Variants in GIT1 observed in about 807,000 individuals in gnomAD.
GIT1 encodes the protein GIT ArfGAP 1.
In GIT1, 14 loss-of-function variants were observed where a neutral mutation model predicts 91.7. The ratio of observed to expected loss-of-function variants is 0.15; its 90% CI spans 0.10 to 0.24. The LOEUF (loss-of-function observed/expected upper bound fraction) is 0.24, where lower values mean the gene tolerates loss of function less well. GIT1 is among the 10% of genes least tolerant of loss of function. The pLI, the probability that GIT1 is intolerant of heterozygous loss-of-function variation, is 1.00. For missense variants in GIT1, 717 were observed against 1,024.9 expected, an observed-to-expected ratio of 0.70 and a Z score of 4.10; for synonymous variants, 414 against 418.2, an observed-to-expected ratio of 0.99 and a Z score of 0.12.
Position 29,575,850 on chromosome 17 carries a change from G to A in GIT1, c.1714C>T (p.Pro572Ser). 1 of 1,612,464 alleles carries A rather than the reference G, an allele frequency of 6.2e-7. No homozygotes were observed. Among genetic ancestry groups the A allele is most frequent in the Non-Finnish European group, 8.5e-7 (1 of 1,179,314 alleles). ...ASAVPFTPSS[P>S]LLSCSQEGSR... ...CCCTCCTGGGAGCAGGACAGCAGCG[G>A]GGAGGAGGGAGTGAAGGGCACAGCT... The change falls in exon 16 of 20, where the codon CCG (proline) becomes TCG (serine). Residue 572 changes from proline to serine, a missense_variant. Around this residue, in one of 3 missense-constraint regions of GIT1, gnomAD observed 312 missense variants for 349.5 expected, o/e 0.89. Transcript: ENST00000225394. This position sits in a 1 kb window ranked among gnomAD's most constrained non-coding sequence, Gnocchi z 5.5.
Position 29,574,980 on chromosome 17 carries a change from T to A in GIT1, c.2074-66A>T, listed in dbSNP as rs751987502. 40 of 1,490,480 alleles carry A rather than the reference T, an allele frequency of 2.7e-5. No homozygotes were observed. The South Asian group carries it at 4.8e-4, about 18-fold the overall frequency. 92.3% of individuals were successfully genotyped at this position (1,490,480 alleles called of 1,614,324 possible). Reference sequence around the variant, plus strand: ...CCACCAGCTGAGATCAGGGCCCAGTTTGTCTGTGTCTCCACCCAGGTAGCG... The same window carrying A: ...CCACCAGCTGAGATCAGGGCCCAGTATGTCTGTGTCTCCACCCAGGTAGCG... On this transcript the variant is annotated intron_variant, in intron 19 of 19. Coordinates refer to ENST00000225394, the MANE Select transcript of GIT1 (RefSeq NM_014030.4).
intron 7 of GIT1, among the ~76,000 whole-genome samples, chr17:29,579,916 G>A (rs1264780885): frequency 1.3e-5 from 2 of 152,108 alleles, no homozygotes; most frequent in Non-Finnish European, 1.5e-5. Context: ...CTCCGCTCTC[G>A]GGATGGTCAC....
At position 29,581,447 on chromosome 17, in the gene GIT1, CT is replaced by C; in HGVS notation, c.719-68del. The stretch of plus-strand genomic sequence containing the variant: ...GTGGCCTCAGCAGCTGGGAGCCCAC[CT>C]CACTGCCATGAGCAGGGCTGGCACC... On this transcript the variant is annotated intron_variant, in intron 6 of 19. Coordinates refer to ENST00000225394, the MANE Select transcript of GIT1 (RefSeq NM_014030.4). The surrounding 1 kb of genome is among the most constrained non-coding windows in gnomAD (Gnocchi z 4.8). 8.0e-7 allele frequency: 1 copy of C among 1,246,356 alleles called. No homozygotes were observed. The highest frequency in any genetic ancestry group is 2.3e-5 in the East Asian group (1 of 43,276). 77.2% of individuals were successfully genotyped at this position (1,246,356 alleles called of 1,614,324 possible).
rs2033317595 is a variant in GIT1 at position 29,579,261 on chromosome 17, C to T, written c.762-482G>A. On this transcript the variant is annotated intron_variant, in intron 7 of 19. Transcript: ENST00000225394. Reference sequence around the variant, plus strand: ...ACCCTCCAGTCCTAGTGAAGCTCCCCAGGTTCCTCAATCACCTGTTGCCTG... The same window carrying T: ...ACCCTCCAGTCCTAGTGAAGCTCCCTAGGTTCCTCAATCACCTGTTGCCTG... 1.9e-5 allele frequency: 10 copies of T among 514,710 alleles called. No individual in the cohort carries two copies. In the South Asian group the frequency reaches 2.8e-4, roughly 14 times the overall value. The allele number at this position is 514,710 out of a possible 1,614,324, so 31.9% of individuals were successfully genotyped here. A position where few individuals can be genotyped will look rare whatever the true frequency, so the allele number is the denominator to read the frequency against.
At chr17:29,578,241 G>T in intron 9 of GIT1, 58 bp downstream of exon 9, 2 of 1,369,508 alleles carry the variant, frequency 1.5e-6, no homozygotes, top group South Asian at 1.2e-5. Context: ...AAGGACCAGA[G>T]ACCCATGCCT....
In GIT1 at chr17:29,575,164, T is replaced by C; in HGVS notation, c.2010-22A>G. 6.3e-7 allele frequency: 1 copy of C among 1,584,496 alleles called. No homozygotes were observed. Among genetic ancestry groups the C allele is most frequent in the Middle Eastern group, 1.7e-4 (1 of 5,944 alleles). ...GAAGCTGCGGGGAGAAGGGAGGCTA[T>C]AAAGCAGGGGGCTCTCAAGGGAGGT... On this transcript the variant is annotated intron_variant, in intron 18 of 19. Transcript: ENST00000225394. This position sits in a 1 kb window ranked among gnomAD's most constrained non-coding sequence, Gnocchi z 5.5.
In GIT1 at chr17:29,575,163, ATAAAG is replaced by A. The variant is rs1449045473; in HGVS notation, c.2010-26_2010-22del. On this transcript the variant is annotated intron_variant, in intron 18 of 19. Transcript: ENST00000225394. The surrounding 1 kb of genome is among the most constrained non-coding windows in gnomAD (Gnocchi z 5.5). The stretch of plus-strand genomic sequence containing the variant: ...CGAAGCTGCGGGGAGAAGGGAGGCT[ATAAAG>A]CAGGGGGCTCTCAAGGGAGGTTCCC... 2 of 1,585,928 alleles carry A rather than the reference ATAAAG, an allele frequency of 1.3e-6. No individual in the cohort carries two copies. The highest frequency in any genetic ancestry group is 1.7e-6 in the Non-Finnish European group (2 of 1,162,028).
chr17:29,580,667 A>ATCTTT (rs1269363618), intron 7 of GIT1, among the ~76,000 whole-genome samples: 2 of 152,064 alleles, frequency 1.3e-5, no homozygotes, highest in African/African-American at 2.4e-5. Flanking sequence ...AAGCCCACCC[A>ATCTTT]TCTTTTCAGC....
At chr17:29,577,319 TAGCA>T in intron 10 of GIT1, 72 bp from the exon 11 acceptor site, 1 of 1,107,188 alleles carries the variant, frequency 9.0e-7, no homozygotes, top group Non-Finnish European at 1.4e-6. Flanking sequence ...AGGGACCAAG[TAGCA>T]AGGCATGGCT....
intron 15 of GIT1, 64 bp downstream of exon 15, chr17:29,576,014 A>G: frequency 6.3e-7 from 1 of 1,575,810 alleles, no homozygotes; most frequent in Non-Finnish European, 8.7e-7. Flanking sequence ...TTCAGCACAG[A>G]GCCCAGAACC....
At chr17:29,584,968 T>TTC (rs1261459316) in intron 1 of GIT1, among the ~76,000 whole-genome samples, 1 of 148,136 alleles carries the variant, frequency 6.8e-6, no homozygotes, top group East Asian at 2.0e-4. Context: ...GCTTTTTTTT[T>TTC]TTTTTTTTTT....
rs189161664 is a variant in GIT1 at position 29,575,024 on chromosome 17, C to T, written c.2073+55G>A. On this transcript the variant is annotated intron_variant, in intron 19 of 19. Coordinates refer to ENST00000225394, the MANE Select transcript of GIT1 (RefSeq NM_014030.4). This position sits in a 1 kb window ranked among gnomAD's most constrained non-coding sequence, Gnocchi z 5.5. ...GGTAGCGATCAGATGGGATTCTCCACGCCTGCCCCAGCTCGAGGCCCTCCC... is the reference window on the plus strand; with the variant it reads ...GGTAGCGATCAGATGGGATTCTCCATGCCTGCCCCAGCTCGAGGCCCTCCC... 753 of 1,493,148 alleles carry T rather than the reference C, an allele frequency of 5.0e-4. 4 individuals carry two copies. In the Middle Eastern group the frequency reaches 0.012, roughly 24 times the overall value. The allele number at this position is 1,493,148 out of a possible 1,614,324, so 92.5% of individuals were successfully genotyped here.
intron 12 of GIT1, 93 bp downstream of exon 12, chr17:29,576,770 C>T: frequency 6.3e-7 from 1 of 1,580,076 alleles, no homozygotes; most frequent in Non-Finnish European, 8.6e-7. Flanking sequence ...CCACCTGTCC[C>T]TCAGGCCCCT....
intron 1 of GIT1, among the ~76,000 whole-genome samples, chr17:29,588,590 G>A (rs1210984846): frequency 6.6e-6 from 1 of 152,172 alleles, no homozygotes; most frequent in Non-Finnish European, 1.5e-5. Context: ...CCGCACCCAG[G>A]ATAGCTTGAT....
rs756039319 is a variant in GIT1 at position 29,575,347 on chromosome 17, C to T, written c.1950G>A (p.Glu650=). The T allele has an allele frequency of 3.7e-6, 6 of 1,613,646 alleles. No individual in the cohort carries two copies. The highest frequency in any genetic ancestry group is 5.1e-6 in the Non-Finnish European group (6 of 1,179,858). Residue 650 remains glutamate, a synonymous_variant, in exon 18 of 20, where the codon GAG becomes GAA. Transcript: ENST00000225394. The surrounding 1 kb of genome is among the most constrained non-coding windows in gnomAD (Gnocchi z 5.5). ...GTTCCTGAATGTTCTTGGTGACCTG[C>T]TCTGTCTTCAAGATGACATCCTCTG... ...PSTEDVILKT[E]QVTKNIQELL... is the part of the protein sequence containing the mutation.
Position 29,575,673 on chromosome 17 carries a change from C to T in GIT1, c.1783G>A (p.Asp595Asn), listed in dbSNP as rs761491608. The change falls in exon 17 of 20, where the codon GAC becomes AAC. Residue 595 changes from aspartate to asparagine, a missense_variant. Physicochemically the swap from Asp to Asn is conservative, Grantham distance 23 (BLOSUM62 1). Around this residue, in one of 3 missense-constraint regions of GIT1, gnomAD observed 134 missense variants for 223.8 expected, o/e 0.60. Transcript: ENST00000225394. This position sits in a 1 kb window ranked among gnomAD's most constrained non-coding sequence, Gnocchi z 5.5. ...SKLSRHGSGA[D>N]SDYENTQSGD... The stretch of plus-strand genomic sequence containing the variant: ...CTTTGCGTGTTCTCATAGTCACTGT[C>T]GGCTCCACTGCCGTGGCGGGAAAGC... 1.1e-5 allele frequency: 17 copies of T among 1,612,660 alleles called. No individual in the cohort carries two copies. Among genetic ancestry groups the T allele is most frequent in the African/African-American group, 1.3e-5 (1 of 74,938 alleles).
At chr17:29,586,294 T>C (rs2033592426) in intron 1 of GIT1, among the ~76,000 whole-genome samples, 1 of 152,216 alleles carries the variant, frequency 6.6e-6, no homozygotes, top group African/African-American at 2.4e-5. Context: ...ATTATGAGAC[T>C]TTTTTGTGAC....
Position 29,576,404 on chromosome 17 carries a change from C to A in GIT1, c.1427G>T (p.Gly476Val). The A allele has an allele frequency of 6.2e-7, 1 of 1,613,288 alleles. No homozygotes were observed. Among genetic ancestry groups the A allele is most frequent in the Non-Finnish European group, 8.5e-7 (1 of 1,179,882 alleles). Residue 476 changes from glycine (G) to valine (V), a missense_variant, in exon 14 of 20, where the codon GGG becomes GTG. Around this residue, in one of 3 missense-constraint regions of GIT1, gnomAD observed 312 missense variants for 349.5 expected, o/e 0.89. Coordinates refer to ENST00000225394, the MANE Select transcript of GIT1 (RefSeq NM_014030.4). ...GGGGAGTGGAGGTGTGGGCACCGGCCCTGGAGGCTGCCGGAGCTGCAGGTT... is the reference window on the plus strand; with the variant it reads ...GGGGAGTGGAGGTGTGGGCACCGGCACTGGAGGCTGCCGGAGCTGCAGGTT... ...AENLQLRQPP[G>V]PVPTPPLPSE...
chr17:29,576,724 C>A (rs750998511), intron 12 of GIT1, 50 bp from the exon 13 acceptor site: 4 of 1,607,712 alleles, frequency 2.5e-6, no homozygotes, highest in Non-Finnish European at 3.4e-6. Context: ...GGGAGGCCAA[C>A]ACCCGCAGGG....
Sources: gnomAD v4.1 joint callset for allele counts (sites outside exome capture counted in the v4.1 genomes callset) on GRCh38, gnomAD v4.1.1 for gene constraint, gnomAD v4.1.1 regional missense constraint, Gnocchi (gnomAD v3.1) non-coding constraint, MANE v1.5 for transcripts, NCBI Gene and HGNC (gene_info 2026-07-23, HGNC 2026-07-21) for gene names.